Variants in CAST observed in about 807,000 individuals in gnomAD.
The protein encoded by CAST is calpastatin.
CAST carries 76 observed loss-of-function variants against 119.6 expected under a neutral mutation model. That is an observed-to-expected ratio of 0.64 (90% CI 0.53 to 0.77). The LOEUF is 0.77. Among genes scored for constraint, CAST ranks in the 30% least tolerant of loss-of-function variants. CAST has a pLI of 0.00. For missense variants in CAST, 953 were observed against 946.5 expected (o/e 1.01, Z -0.09); for synonymous variants, 319 against 331.6 (o/e 0.96, Z 0.41).
chr5:95,997,418 T>C, the CAST span, among the ~76,000 whole-genome samples: 28 of 152,258 alleles, frequency 1.8e-4, no homozygotes, highest in African/African-American at 6.5e-4. Context: ...CAATTAGATA[T>C]TGATGATGTG....
chr5:96,153,419 AC>A, the CAST span, among the ~76,000 whole-genome samples: 1 of 152,170 alleles, frequency 6.6e-6, no homozygotes, highest in African/African-American at 2.4e-5. Flanking sequence ...CCTGTCCTGG[AC>A]CTAGACAGAC....
At chr5:96,243,010 T>C in the CAST span, among the ~76,000 whole-genome samples, 3 of 152,194 alleles carry the variant, frequency 2.0e-5, no homozygotes, top group Admixed American at 2.0e-4. Context: ...CTGGGACTAC[T>C]CTATAAATAC....
chr5:96,545,651 C>A (rs980307265), intron 1 of CAST, among the ~76,000 whole-genome samples: 1 of 152,168 alleles, frequency 6.6e-6, no homozygotes, highest in African/African-American at 2.4e-5. Context: ...TAATGTTAGA[C>A]AGGTCAGCCT....
In CAST at chr5:96,726,864, T is replaced by C. The variant is rs1759346154; in HGVS notation, c.336+5T>C. On this transcript the variant is annotated splice_donor_5th_base_variant and intron_variant, in intron 5 of 31. Transcript: ENST00000675179. ...AAGAAAAAACACAAAAAACAGGTGA[T>C]GTTGTTCATTGTACTAGGGCATCTC... 4 of 1,603,042 alleles carry C rather than the reference T, an allele frequency of 2.5e-6. No homozygotes were observed. The highest frequency in any genetic ancestry group is 3.4e-6 in the Non-Finnish European group (4 of 1,170,380).
At chr5:96,429,254 T>A in the CAST span, 1 of 1,603,260 alleles carries the variant, frequency 6.2e-7, no homozygotes, top group South Asian at 1.1e-5. Flanking sequence ...TGAAAGGCAC[T>A]CCTTCGAGAC....
the CAST span, among the ~76,000 whole-genome samples, chr5:96,366,059 A>G: frequency 6.6e-6 from 1 of 152,158 alleles, no homozygotes; most frequent in African/African-American, 2.4e-5. Flanking sequence ...CTTGTCTGCA[A>G]AGTATTTTAT....
At chr5:96,629,396 A>C (rs1263737840) in intron 1 of CAST, among the ~76,000 whole-genome samples, 2 of 149,850 alleles carry the variant, frequency 1.3e-5, no homozygotes, top group Non-Finnish European at 3.0e-5. Context: ...ATAGGCTAAG[A>C]CAGTATTCTT....
the CAST span, among the ~76,000 whole-genome samples, chr5:96,154,200 C>T: frequency 1.5e-4 from 23 of 151,850 alleles, no homozygotes; most frequent in Admixed American, 8.5e-4. Flanking sequence ...ATGGTGTGAA[C>T]CTGGGAGGCA....
At chr5:96,442,750 G>T in the CAST span, among the ~76,000 whole-genome samples, 3 of 152,138 alleles carry the variant, frequency 2.0e-5, no homozygotes, top group Non-Finnish European at 2.9e-5. Context: ...CGTAAGGAGC[G>T]CTGTGAAAAG....
the CAST span, among the ~76,000 whole-genome samples, chr5:96,482,059 T>A: frequency 2.0e-4 from 30 of 152,306 alleles, no homozygotes; most frequent in African/African-American, 7.0e-4. Context: ...TGTATATTGC[T>A]GCAGAGTTAG....
the CAST span, among the ~76,000 whole-genome samples, chr5:96,380,339 G>A: frequency 6.6e-6 from 1 of 152,114 alleles, no homozygotes; most frequent in Non-Finnish European, 1.5e-5. Context: ...ATTAAATATA[G>A]ACCCTTGAAT....
At chr5:96,303,049 C>G in the CAST span, among the ~76,000 whole-genome samples, 1 of 152,158 alleles carries the variant, frequency 6.6e-6, no homozygotes, top group Non-Finnish European at 1.5e-5. Context: ...TAAAGAGAAG[C>G]AGTTCAACTG....
the CAST span, among the ~76,000 whole-genome samples, chr5:96,056,896 G>A: frequency 3.0e-4 from 46 of 152,160 alleles, no homozygotes; most frequent in African/African-American, 1.1e-3. Flanking sequence ...AGGAGTGCCT[G>A]GTCTTGGCTT....
At chr5:96,241,115 G>A in the CAST span, among the ~76,000 whole-genome samples, 1 of 151,648 alleles carries the variant, frequency 6.6e-6, no homozygotes, top group African/African-American at 2.4e-5. Flanking sequence ...ACAATGTGCA[G>A]GTTAGTTACA....
At chr5:96,114,293 A>G in the CAST span, among the ~76,000 whole-genome samples, 2 of 152,162 alleles carry the variant, frequency 1.3e-5, no homozygotes, top group Admixed American at 1.3e-4. Context: ...AATGTCTACA[A>G]CACCTGGCAG....
the CAST span, among the ~76,000 whole-genome samples, chr5:96,474,502 C>A: frequency 6.6e-6 from 1 of 152,206 alleles, no homozygotes; most frequent in African/African-American, 2.4e-5. Context: ...GAATATTTGG[C>A]ATTTATTACT....
chr5:96,049,878 A>G, the CAST span, among the ~76,000 whole-genome samples: 2 of 143,124 alleles, frequency 1.4e-5, no homozygotes, highest in Non-Finnish European at 3.0e-5. Context: ...GAGAAACAAC[A>G]GAACAGGAGG....
intron 1 of CAST, among the ~76,000 whole-genome samples, chr5:96,538,729 A>G (rs1295089396): frequency 7.0e-5 from 8 of 113,954 alleles, no homozygotes; most frequent in African/African-American, 2.5e-4. Flanking sequence ...ACTCATACAT[A>G]AGACCCCCCC....
intron 1 of CAST, among the ~76,000 whole-genome samples, chr5:96,563,566 A>G (rs1352871584): frequency 2.0e-5 from 3 of 152,206 alleles, no homozygotes; most frequent in Admixed American, 2.0e-4. Flanking sequence ...TGACTGGGGC[A>G]TGGAAGTGGG....
Sources: gnomAD v4.1 joint callset for allele counts (sites outside exome capture counted in the v4.1 genomes callset) on GRCh38, gnomAD v4.1.1 for gene constraint, MANE v1.5 for transcripts, NCBI Gene and HGNC (gene_info 2026-07-23, HGNC 2026-07-21) for gene names.